The following TFEC variants were observed in gnomAD, a reference collection of about 807,000 sequenced individuals.
TFEC encodes class E basic helix-loop-helix protein 34.
TFEC carries 31 observed loss-of-function variants against 41.6 expected under a neutral mutation model. The observed-to-expected ratio is 0.74, with a 90% CI of 0.56 to 1.01. TFEC has a LOEUF of 1.01. Ranked by LOEUF, TFEC falls within the 50% of genes least tolerant of loss-of-function variation. The probability of loss-of-function intolerance (pLI) is 0.00; values close to 1 mark genes in which losing one functional copy is unlikely to be tolerated. For missense variants in TFEC, 402 were observed against 404.1 expected, an observed-to-expected ratio of 0.99 and a Z score of 0.04; for synonymous variants, 143 against 140.6, an observed-to-expected ratio of 1.02 and a Z score of -0.12.
At chr7:116,112,730 A>C (rs1330742888) in intron 1 of TFEC, among the ~76,000 whole-genome samples, 1 of 152,008 alleles carries the variant, frequency 6.6e-6, no homozygotes, top group African/African-American at 2.4e-5. Flanking sequence ...TAGAATATAT[A>C]AAACAACCAT....
intron 3 of TFEC, among the ~76,000 whole-genome samples, chr7:116,042,430 T>C (rs1375849669): frequency 6.6e-6 from 1 of 152,198 alleles, no homozygotes; most frequent in African/African-American, 2.4e-5. Context: ...ATCATGAGTA[T>C]GTTCAGAGTT....
At chr7:116,036,964 G>C (rs1431085427) in intron 3 of TFEC, among the ~76,000 whole-genome samples, 2 of 152,004 alleles carry the variant, frequency 1.3e-5, no homozygotes, top group Non-Finnish European at 1.5e-5. Context: ...TAACATTTAA[G>C]TTTAAAATAT....
intron 3 of TFEC, among the ~76,000 whole-genome samples, chr7:116,092,202 C>A (rs371439723): frequency 6.6e-6 from 1 of 152,094 alleles, no homozygotes; most frequent in Admixed American, 6.6e-5. Flanking sequence ...CCTGTGAACT[C>A]GAAAGCACTT....
At chr7:116,127,221 G>T (rs1165574498) in intron 1 of TFEC, among the ~76,000 whole-genome samples, 2 of 151,676 alleles carry the variant, frequency 1.3e-5, no homozygotes, top group Non-Finnish European at 2.9e-5. Flanking sequence ...TCAGCCTCCC[G>T]AGTAGCTGGG....
At position 115,939,271 on chromosome 7, in the gene TFEC, G is replaced by A. The variant is rs1027009105; in HGVS notation, c.*1280C>T. On this transcript the variant is annotated 3_prime_UTR_variant, in exon 8 of 8. Transcript: ENST00000265440. The stretch of plus-strand genomic sequence containing the variant: ...ATGCCTCCATGAATACTCATTGATC[G>A]GATGATCACTCTTGGAGGTCCAGCA... 2.6e-5 allele frequency: 4 copies of A among 151,892 alleles called. No homozygotes were observed. The highest frequency in any genetic ancestry group is 2.1e-4 in the South Asian group (1 of 4,820). 9.4% of individuals were successfully genotyped at this position (151,892 alleles called of 1,614,324 possible). A position where few individuals can be genotyped will look rare whatever the true frequency, so the allele number is the denominator to read the frequency against.
chr7:116,120,616 T>C (rs1798090325), intron 1 of TFEC, among the ~76,000 whole-genome samples: 1 of 151,996 alleles, frequency 6.6e-6, no homozygotes, highest in Non-Finnish European at 1.5e-5. Context: ...GACTTATGCA[T>C]ATCTAAAATT....
At chr7:115,996,222 G>A (rs1234382408) in intron 1 of TFEC, among the ~76,000 whole-genome samples, 1 of 152,118 alleles carries the variant, frequency 6.6e-6, no homozygotes, top group African/African-American at 2.4e-5. Context: ...GGAAGACTTT[G>A]TCTTGCAACA....
intron 1 of TFEC, among the ~76,000 whole-genome samples, chr7:116,012,684 G>T (rs773969463): frequency 2.6e-5 from 4 of 151,888 alleles, no homozygotes; most frequent in Admixed American, 2.6e-4. Context: ...ATATCCTAAT[G>T]CTGGATATGG....
At chr7:115,978,864 T>A (rs1290693461) in intron 2 of TFEC, among the ~76,000 whole-genome samples, 1 of 152,206 alleles carries the variant, frequency 6.6e-6, no homozygotes, top group African/African-American at 2.4e-5. Flanking sequence ...TAACCATCCC[T>A]TAAATGTTGG....
chr7:115,982,873 G>A (rs1057230743), intron 2 of TFEC, among the ~76,000 whole-genome samples: 1 of 151,658 alleles, frequency 6.6e-6, no homozygotes, highest in African/African-American at 2.4e-5. Context: ...AAGGCAGAAA[G>A]CTGATCTATG....
rs575971821 is a variant in TFEC, at chr7:115,974,375, G to GT, written c.181-120dup. ...AAGTTTTTAGACAATTTAAATTGAGGTTATATATACATATATATAAAACCT... is the reference window on the plus strand; with the variant it reads ...AAGTTTTTAGACAATTTAAATTGAGGTTTATATATACATATATATAAAACCT... On this transcript the variant is annotated intron_variant, in intron 2 of 7. Transcript: ENST00000265440. The GT allele has an allele frequency of 2.3e-3, 570 of 244,774 alleles. 6 individuals carry two copies. Among genetic ancestry groups the GT allele is most frequent in the African/African-American group, 0.015 (532 of 34,988 alleles). The allele number at this position is 244,774 out of a possible 1,614,324, so 15.2% of individuals were successfully genotyped here.
chr7:116,078,417 T>A (rs1034056797), intron 3 of TFEC, among the ~76,000 whole-genome samples: 3 of 151,554 alleles, frequency 2.0e-5, no homozygotes, highest in Non-Finnish European at 2.9e-5. Context: ...AAAAGATAAA[T>A]AAAATTGATA....
chr7:116,075,460 A>G (rs566014914), intron 3 of TFEC, among the ~76,000 whole-genome samples: 1 of 152,256 alleles, frequency 6.6e-6, no homozygotes, highest in African/African-American at 2.4e-5. Context: ...CCTTCTCAAC[A>G]GGGAGGCTCG....
chr7:116,056,029 C>T (rs984237958), intron 3 of TFEC, among the ~76,000 whole-genome samples: 1 of 151,904 alleles, frequency 6.6e-6, no homozygotes, highest in Non-Finnish European at 1.5e-5. Flanking sequence ...GAATGCAAAA[C>T]CTGGATATTA....
chr7:116,111,022 A>G (rs1797843397), intron 2 of TFEC: 1 of 553,910 alleles, frequency 1.8e-6, no homozygotes, highest in African/African-American at 2.0e-5. Flanking sequence ...AATTTAGTAA[A>G]TGATAAGGGA....
At chr7:115,948,727 C>A (rs1310794540) in intron 6 of TFEC, among the ~76,000 whole-genome samples, 12 of 148,994 alleles carry the variant, frequency 8.1e-5, no homozygotes, top group African/African-American at 3.0e-4. Flanking sequence ...CTATGACAAA[C>A]CCACAGCCAA....
intron 1 of TFEC, chr7:116,120,202 G>C (rs1361301159): frequency 6.6e-6 from 1 of 151,910 alleles, no homozygotes; most frequent in Admixed American, 6.6e-5. Context: ...TAGAACCCCT[G>C]TGTTTCAGGG....
At chr7:116,099,528 G>C (rs920270319) in intron 3 of TFEC, among the ~76,000 whole-genome samples, 7 of 152,282 alleles carry the variant, frequency 4.6e-5, no homozygotes, top group South Asian at 2.1e-4. Context: ...ATTACGACCA[G>C]TCCCCTTTCT....
intron 3 of TFEC, among the ~76,000 whole-genome samples, chr7:116,050,625 A>G (rs532501534): frequency 3.3e-5 from 5 of 152,358 alleles, no homozygotes; most frequent in Admixed American, 6.5e-5. Context: ...TAGAATGGCA[A>G]TCATTAAAAA....
Sources: gnomAD v4.1 joint callset for allele counts (sites outside exome capture counted in the v4.1 genomes callset) on GRCh38, gnomAD v4.1.1 for gene constraint, MANE v1.5 for transcripts, NCBI Gene and HGNC (gene_info 2026-07-23, HGNC 2026-07-21) for gene names.